Variants in ERICH6B observed in about 807,000 individuals in gnomAD.
ERICH6B encodes the protein glutamate-rich protein 6B.
A neutral mutation model predicts 80.0 loss-of-function variants in ERICH6B; 69 were observed. That is an observed-to-expected ratio of 0.86 (90% CI 0.71 to 1.05). ERICH6B has a LOEUF of 1.05. Among genes scored for constraint, ERICH6B ranks in the 50% least tolerant of loss-of-function variants. The pLI is 0.00. For synonymous variants in ERICH6B, 283 were observed against 291.9 expected (o/e 0.97, Z 0.31); for missense variants, 754 against 796.1 (o/e 0.95, Z 0.64).
intron 5 of ERICH6B, among the ~76,000 whole-genome samples, chr13:45,584,732 T>C (rs3014929): frequency 0.43 from 64,888 of 152,076 alleles, 14,962 homozygotes; most frequent in Non-Finnish European, 0.52. Context: ...TGCTGACTCC[T>C]GCGGGCCTCA....
At chr13:45,572,212 C>T (rs542586201) in intron 8 of ERICH6B, among the ~76,000 whole-genome samples, 1 of 152,336 alleles carries the variant, frequency 6.6e-6, no homozygotes, top group Non-Finnish European at 1.5e-5. Flanking sequence ...TCCTCTTCAG[C>T]TTTCCAGCCT....
chr13:45,550,116 T>C (rs1455619988), intron 12 of ERICH6B, 71 bp from the exon 13 acceptor site: 4 of 1,539,972 alleles, frequency 2.6e-6, no homozygotes, highest in Non-Finnish European at 3.5e-6. Context: ...CTGCAGATGA[T>C]GCAGGCCTCA....
intron 4 of ERICH6B, among the ~76,000 whole-genome samples, chr13:45,587,569 C>G (rs1875967185): frequency 1.3e-5 from 2 of 152,214 alleles, no homozygotes; most frequent in Admixed American, 6.5e-5. Flanking sequence ...AGTGCCTTTC[C>G]CTACCTCACA....
chr13:45,583,323 C>T (rs1402414150), intron 5 of ERICH6B, among the ~76,000 whole-genome samples: 2 of 152,136 alleles, frequency 1.3e-5, no homozygotes, highest in South Asian at 2.1e-4. Flanking sequence ...TTTGTTGCTG[C>T]CTGTATGATC....
At chr13:45,545,365 C>G (rs879426336) in intron 13 of ERICH6B, among the ~76,000 whole-genome samples, 4 of 152,230 alleles carry the variant, frequency 2.6e-5, no homozygotes, top group Admixed American at 6.5e-5. Flanking sequence ...CTACCTGGTT[C>G]CCTACGGGAC....
chr13:45,608,180 G>T (rs1188136426), intron 1 of ERICH6B, among the ~76,000 whole-genome samples: 2 of 152,190 alleles, frequency 1.3e-5, no homozygotes, highest in Non-Finnish European at 2.9e-5. Flanking sequence ...GTAAGTCATT[G>T]TGGGGAGGAA....
rs1234601168 is a variant in ERICH6B at position 45,561,361 on chromosome 13, C to G, written c.1407+8G>C. Reference sequence around the variant, plus strand: ...AAGTAAAAAACAGCAATGTACTGTCCCTCTTACCACTGTCTTCTTCTGTAT... The same window carrying G: ...AAGTAAAAAACAGCAATGTACTGTCGCTCTTACCACTGTCTTCTTCTGTAT... On this transcript the variant is annotated splice_region_variant and intron_variant, in intron 11 of 14. Coordinates refer to ENST00000298738, the MANE Select transcript of ERICH6B (RefSeq NM_182542.3). 3 of 1,551,370 alleles carry G rather than the reference C, an allele frequency of 1.9e-6. No individual in the cohort carries two copies. The South Asian group carries it at 3.6e-5, about 18-fold the overall frequency.
At chr13:45,601,390 C>T (rs1395388520) in intron 2 of ERICH6B, among the ~76,000 whole-genome samples, 3 of 152,144 alleles carry the variant, frequency 2.0e-5, no homozygotes, top group African/African-American at 7.2e-5. Context: ...TATTTTTAAG[C>T]AATTTTAAAA....
chr13:45,612,058 G>T (rs1949902816), intron 1 of ERICH6B, among the ~76,000 whole-genome samples: 1 of 152,170 alleles, frequency 6.6e-6, no homozygotes, highest in Admixed American at 6.5e-5. Context: ...CCAGATACAG[G>T]TATTTACATG....
At chr13:45,564,803 G>A (rs1874844246) in intron 9 of ERICH6B, among the ~76,000 whole-genome samples, 2 of 152,288 alleles carry the variant, frequency 1.3e-5, no homozygotes, top group South Asian at 2.1e-4. Flanking sequence ...TATGCTCAGA[G>A]CAGGATACCA....
At chr13:45,569,410 G>A (rs1487713565) in intron 8 of ERICH6B, among the ~76,000 whole-genome samples, 8 of 152,208 alleles carry the variant, frequency 5.3e-5, no homozygotes, top group Admixed American at 4.6e-4. Context: ...ACAGGTGTGT[G>A]CCACAGCACT....
At chr13:45,570,819 C>T (rs2985936) in intron 8 of ERICH6B, among the ~76,000 whole-genome samples, 88,591 of 143,324 alleles carry the variant, frequency 0.62, 29,124 homozygotes, top group African/African-American at 0.83. Context: ...CCATATGGCA[C>T]TCACTCCATT....
rs1365153758 is a variant in ERICH6B, at chr13:45,549,335, G to T, written c.1646+558C>A. ...CCCACACCATGACCACTTAGAAGAG[G>T]GAGGGAAGGAAAAAATCCTGAAAAG... On this transcript the variant is annotated intron_variant, in intron 13 of 14. Coordinates refer to ENST00000298738, the MANE Select transcript of ERICH6B (RefSeq NM_182542.3). Among the ~76,000 whole-genome samples the T allele has an allele frequency of 2.0e-5, 3 of 151,948 alleles. No individual in the cohort carries two copies. In the East Asian group the frequency reaches 5.8e-4, roughly 29 times the overall value.
chr13:45,590,992 A>G (rs1383184657), intron 3 of ERICH6B, among the ~76,000 whole-genome samples: 1 of 152,246 alleles, frequency 6.6e-6, no homozygotes, highest in Non-Finnish European at 1.5e-5. Context: ...GGGATGAAGG[A>G]CATCGGTCCA....
At chr13:45,551,868 A>G (rs184156893) in intron 11 of ERICH6B, among the ~76,000 whole-genome samples, 2 of 152,208 alleles carry the variant, frequency 1.3e-5, no homozygotes, top group Non-Finnish European at 2.9e-5. Context: ...CCCCCTTGCC[A>G]CATGTGACCC....
intron 13 of ERICH6B, among the ~76,000 whole-genome samples, chr13:45,547,989 G>C (rs1874057210): frequency 6.6e-6 from 1 of 152,184 alleles, no homozygotes; most frequent in African/African-American, 2.4e-5. Flanking sequence ...TTCCTGCTCA[G>C]GGGGTGAAAA....
At chr13:45,590,573 T>C in intron 4 of ERICH6B, 76 bp downstream of exon 4, 4 of 1,398,566 alleles carry the variant, frequency 2.9e-6, no homozygotes, top group Non-Finnish European at 3.9e-6. Context: ...CCCTGTCCTG[T>C]GTTCTCCAAG....
At chr13:45,584,417 G>A (rs868640847) in intron 5 of ERICH6B, among the ~76,000 whole-genome samples, 12 of 152,168 alleles carry the variant, frequency 7.9e-5, no homozygotes, top group African/African-American at 1.4e-4. Context: ...CCTATTTGTC[G>A]AGAAAGGCTG....
intron 13 of ERICH6B, among the ~76,000 whole-genome samples, chr13:45,547,312 T>G (rs1874032455): frequency 6.6e-6 from 1 of 152,246 alleles, no homozygotes; most frequent in Admixed American, 6.5e-5. Flanking sequence ...TCCTGCTAGC[T>G]TTTAACCTTT....
Sources: allele counts gnomAD v4.1 joint callset (sites outside exome capture counted in the v4.1 genomes callset), GRCh38; gene constraint gnomAD v4.1.1; transcripts MANE v1.5; gene names NCBI Gene and HGNC (gene_info 2026-07-23, HGNC 2026-07-21).